The following CDC42SE2 variants were observed in gnomAD, a reference collection of about 807,000 sequenced individuals.
CDC42SE2 encodes CDC42 small effector protein 2.
CDC42SE2 carries 3 observed loss-of-function variants against 11.5 expected under a neutral mutation model. The observed-to-expected ratio is 0.26, with a 90% CI of 0.12 to 0.67. The LOEUF is 0.67. Ranked by LOEUF, CDC42SE2 falls within the 30% of genes least tolerant of loss-of-function variation. The pLI is 0.80. For missense variants in CDC42SE2, 82 were observed against 106.8 expected, an observed-to-expected ratio of 0.77 and a Z score of 1.02; for synonymous variants, 33 against 34.8, an observed-to-expected ratio of 0.95 and a Z score of 0.18.
intron 1 of CDC42SE2, among the ~76,000 whole-genome samples, chr5:131,278,114 T>C (rs1224875486): frequency 6.6e-6 from 1 of 152,126 alleles, no homozygotes; most frequent in African/African-American, 2.4e-5. Context: ...GCCACCCAAG[T>C]AGCTGGGATT....
At chr5:131,328,092 G>A (rs550734975) in intron 2 of CDC42SE2, among the ~76,000 whole-genome samples, 1 of 152,240 alleles carries the variant, frequency 6.6e-6, no homozygotes, top group South Asian at 2.1e-4. Context: ...GGGGCACATA[G>A]TCTTAAATAT....
At chr5:131,305,502 T>A (rs1227929647) in intron 1 of CDC42SE2, among the ~76,000 whole-genome samples, 2 of 152,220 alleles carry the variant, frequency 1.3e-5, no homozygotes, top group African/African-American at 4.8e-5. Flanking sequence ...TGGCAGCTTG[T>A]GATTGGCTGA....
chr5:131,382,236 T>C (rs552171121), intron 3 of CDC42SE2, among the ~76,000 whole-genome samples: 1 of 152,244 alleles, frequency 6.6e-6, no homozygotes, highest in East Asian at 1.9e-4. Flanking sequence ...GGAACTAGTT[T>C]TGTTATCAGC....
chr5:131,271,036 CT>C (rs1756984774), intron 1 of CDC42SE2, among the ~76,000 whole-genome samples: 1 of 152,140 alleles, frequency 6.6e-6, no homozygotes, highest in Non-Finnish European at 1.5e-5. Context: ...TTGTGCAAAG[CT>C]GACTCTTTCT....
chr5:131,335,920 C>G (rs1030373844), intron 2 of CDC42SE2, among the ~76,000 whole-genome samples: 3 of 152,160 alleles, frequency 2.0e-5, no homozygotes, highest in Non-Finnish European at 4.4e-5. Context: ...GACTCTTTAT[C>G]CAATTTGCCA....
Position 131,359,420 on chromosome 5 carries a change from G to A in CDC42SE2, c.-74G>A, listed in dbSNP as rs557923001. On this transcript the variant is annotated 5_prime_UTR_variant, in exon 3 of 5. Transcript: ENST00000505065. ...GCATCACTGGACATCATCGTATTGA[G>A]GAGCGTATTTTTGGAACTTCCCGAG... The A allele has an allele frequency of 3.4e-4, 346 of 1,020,884 alleles. No homozygotes were observed. Among genetic ancestry groups the A allele is most frequent in the Middle Eastern group, 6.1e-4 (3 of 4,930 alleles). 63.2% of individuals were successfully genotyped at this position (1,020,884 alleles called of 1,614,324 possible).
chr5:131,249,486 A>C (rs993914618), intron 1 of CDC42SE2, among the ~76,000 whole-genome samples: 4 of 152,200 alleles, frequency 2.6e-5, no homozygotes, highest in Non-Finnish European at 5.9e-5. Flanking sequence ...TAAATGTTTG[A>C]TATATGATAA....
At position 131,382,024 on chromosome 5, in the gene CDC42SE2, A is replaced by G. The variant is rs1750342313; in HGVS notation, c.55-3519A>G. Among the ~76,000 whole-genome samples, 4 of 152,312 alleles carry G rather than the reference A, an allele frequency of 2.6e-5. No homozygotes were observed. In the South Asian group the frequency reaches 6.2e-4, roughly 24 times the overall value. On this transcript the variant is annotated intron_variant, in intron 3 of 4. Transcript: ENST00000505065. ...GAGCGAAGGACTGAAAGCTTCTTTC[A>G]TATCTCACAAACTGTTAGATTAGAT...
intron 2 of CDC42SE2, among the ~76,000 whole-genome samples, chr5:131,351,686 A>C (rs1468368621): frequency 1.3e-5 from 2 of 152,244 alleles, no homozygotes; most frequent in African/African-American, 4.8e-5. Context: ...ACTAAAATTT[A>C]ATTAAAAACA....
At chr5:131,283,656 G>T (rs1234984018) in intron 1 of CDC42SE2, among the ~76,000 whole-genome samples, 1 of 151,818 alleles carries the variant, frequency 6.6e-6, no homozygotes, top group African/African-American at 2.4e-5. Context: ...ACCATGCCTG[G>T]CTAATTTTGT....
At chr5:131,377,703 AC>A (rs1381434372) in intron 3 of CDC42SE2, among the ~76,000 whole-genome samples, 1 of 152,210 alleles carries the variant, frequency 6.6e-6, no homozygotes, top group Non-Finnish European at 1.5e-5. Flanking sequence ...TACAGGTTCT[AC>A]CCAATATAAA....
chr5:131,237,273 T>G, the CDC42SE2 span, among the ~76,000 whole-genome samples: 1 of 152,272 alleles, frequency 6.6e-6, no homozygotes, highest in East Asian at 1.9e-4. Flanking sequence ...ATCTTTTTAC[T>G]TCTCTTTCAC....
At chr5:131,251,104 A>G (rs1756635467) in intron 1 of CDC42SE2, among the ~76,000 whole-genome samples, 3 of 152,228 alleles carry the variant, frequency 2.0e-5, no homozygotes, top group Admixed American at 6.5e-5. Flanking sequence ...CAATAAAACT[A>G]TATAAAAACA....
chr5:131,258,352 ATATATG>A (rs113897523), intron 2 of CDC42SE2, among the ~76,000 whole-genome samples: 6,389 of 152,208 alleles, frequency 0.042, 343 homozygotes, highest in African/African-American at 0.13. Context: ...TATTACTACC[ATATATG>A]TAAAATTGGT....
rs182441577 is a variant in CDC42SE2 at position 131,324,836 on chromosome 5, T to C, written c.-286+8692T>C. On this transcript the variant is annotated intron_variant, in intron 2 of 4. Coordinates refer to ENST00000505065, the MANE Select transcript of CDC42SE2 (RefSeq NM_001375635.1). ...CAAAATGTAATTGTTCTTGGCCCAC[T>C]CTTGGTGAAGTCCAGACGTTTTCAA... Among the ~76,000 whole-genome samples, 63 of 152,322 alleles carry C rather than the reference T, an allele frequency of 4.1e-4. 1 individual carries two copies. The highest frequency in any genetic ancestry group is 8.5e-4 in the Non-Finnish European group (58 of 68,022).
At chr5:131,279,451 T>TCC (rs35644276) in intron 1 of CDC42SE2, among the ~76,000 whole-genome samples, 50 of 68,948 alleles carry the variant, frequency 7.3e-4, no homozygotes, top group Admixed American at 1.7e-3. Flanking sequence ...TTCTCAGCCC[T>TCC]CCCCCCCCCC....
At chr5:131,247,621 A>G (rs1392999270) in intron 1 of CDC42SE2, among the ~76,000 whole-genome samples, 2 of 150,428 alleles carry the variant, frequency 1.3e-5, no homozygotes, top group East Asian at 3.9e-4. Flanking sequence ...TCCGTCTCAG[A>G]AAAAAAAAAT....
At chr5:131,386,372 T>A (rs561995279) in intron 4 of CDC42SE2, among the ~76,000 whole-genome samples, 2 of 152,374 alleles carry the variant, frequency 1.3e-5, no homozygotes, top group South Asian at 4.1e-4. Flanking sequence ...TTGGGACCCC[T>A]GTTATAAACT....
the CDC42SE2 span, among the ~76,000 whole-genome samples, chr5:131,226,337 T>C: frequency 6.6e-6 from 1 of 152,214 alleles, no homozygotes; most frequent in Non-Finnish European, 1.5e-5. Context: ...TAAGCAGAAG[T>C]CTGCCTTTAA....
Sources: gnomAD v4.1 joint callset for allele counts (sites outside exome capture counted in the v4.1 genomes callset) on GRCh38, gnomAD v4.1.1 for gene constraint, MANE v1.5 for transcripts, NCBI Gene and HGNC (gene_info 2026-07-23, HGNC 2026-07-21) for gene names.